Variants in SDHC observed in about 807,000 individuals in gnomAD.
SDHC encodes succinate dehydrogenase complex subunit C.
In SDHC, 11 loss-of-function variants were observed where a neutral mutation model predicts 22.6. That is an observed-to-expected ratio of 0.49 (90% CI 0.31 to 0.81). The LOEUF is 0.81. Among genes scored for constraint, SDHC ranks in the 30% least tolerant of loss-of-function variants. The pLI, the probability that SDHC is intolerant of heterozygous loss-of-function variation, is 0.05. For missense variants in SDHC, 160 were observed against 212.0 expected (o/e 0.75, Z 1.52); for synonymous variants, 80 against 77.8 (o/e 1.03, Z -0.15).
rs755895321 is a variant in SDHC at position 161,358,596 on chromosome 1, C to T, written c.405+1756C>T. 7.1e-4 allele frequency among the ~76,000 whole-genome samples: 108 copies of T among 151,862 alleles called. 1 individual carries two copies. Among genetic ancestry groups the T allele is most frequent in the Admixed American group, 4.3e-3 (65 of 15,250 alleles). On this transcript the variant is annotated intron_variant, in intron 5 of 5. Coordinates refer to ENST00000367975, the MANE Select transcript of SDHC (RefSeq NM_003001.5). ...AGGTTGCACTGAGCCGAGATTGTGC[C>T]ACTGCACTTCAGCCTGGGTGACAGA...
intron 5 of SDHC, among the ~76,000 whole-genome samples, chr1:161,358,450 A>G (rs1026807182): frequency 5.9e-5 from 9 of 151,968 alleles, no homozygotes; most frequent in Admixed American, 5.9e-4. Flanking sequence ...GTTGCCTCCT[A>G]TGTGACCTCA....
chr1:161,351,077 CACAAATTA>C (rs1466089062), intron 4 of SDHC, among the ~76,000 whole-genome samples: 1 of 152,170 alleles, frequency 6.6e-6, no homozygotes, highest in Non-Finnish European at 1.5e-5. Flanking sequence ...ACCTGGAAGG[CACAAATTA>C]TCCAGTCAGT....
chr1:161,350,251 A>G (rs1054403218), intron 4 of SDHC, among the ~76,000 whole-genome samples: 5 of 152,122 alleles, frequency 3.3e-5, no homozygotes, highest in African/African-American at 1.2e-4. Flanking sequence ...GAGGTTTCAC[A>G]GTGTTGCCCA....
chr1:161,333,164 C>A (rs183721793), intron 3 of SDHC, among the ~76,000 whole-genome samples: 1 of 152,294 alleles, frequency 6.6e-6, no homozygotes, highest in East Asian at 1.9e-4. Flanking sequence ...TAGCATATAT[C>A]AGTGCTTCCT....
chr1:161,315,363 A>T (rs1336840345), intron 1 of SDHC, among the ~76,000 whole-genome samples: 2 of 152,196 alleles, frequency 1.3e-5, no homozygotes, highest in African/African-American at 2.4e-5. Context: ...TGACAAAATG[A>T]TTCCTCTTGG....
intron 1 of SDHC, among the ~76,000 whole-genome samples, chr1:161,321,783 T>G (rs79861094): frequency 0.037 from 5,613 of 152,266 alleles, 112 homozygotes; most frequent in African/African-American, 0.043. Flanking sequence ...CATCATGAGC[T>G]TTTTTAGAAG....
chr1:161,328,007 ATTT>A (rs778403973), intron 2 of SDHC, among the ~76,000 whole-genome samples: 25 of 138,304 alleles, frequency 1.8e-4, no homozygotes, highest in Admixed American at 1.7e-3. Flanking sequence ...GATACTGCAA[ATTT>A]TTTTTTTTTT....
intron 3 of SDHC, among the ~76,000 whole-genome samples, chr1:161,330,600 T>C (rs1671236150): frequency 6.6e-6 from 1 of 152,244 alleles, no homozygotes; most frequent in Admixed American, 6.5e-5. Context: ...TTTAACAGCC[T>C]CTTTTTTGTC....
intron 3 of SDHC, among the ~76,000 whole-genome samples, chr1:161,332,636 C>CTTT (rs36047860): frequency 1.0e-4 from 14 of 137,266 alleles, no homozygotes; most frequent in African/African-American, 3.4e-4. Context: ...CTTTTTCTTT[C>CTTT]TTTTTTTTTT....
intron 3 of SDHC, among the ~76,000 whole-genome samples, chr1:161,334,824 T>C (rs1671411092): frequency 6.6e-6 from 1 of 152,206 alleles, no homozygotes; most frequent in Non-Finnish European, 1.5e-5. Context: ...TTCTAGAGAT[T>C]AGAACATGAA....
chr1:161,359,796 G>C (rs1051702947), intron 5 of SDHC, among the ~76,000 whole-genome samples: 6 of 152,158 alleles, frequency 3.9e-5, no homozygotes, highest in African/African-American at 1.4e-4. Context: ...GAACTTGATA[G>C]TTGACTTGCC....
chr1:161,326,225 T>A (rs986536994), intron 2 of SDHC, among the ~76,000 whole-genome samples: 6 of 149,702 alleles, frequency 4.0e-5, no homozygotes, highest in African/African-American at 1.5e-4. Flanking sequence ...AAAAGCAGAG[T>A]TATCGTCTGA....
At chr1:161,343,506 A>G (rs1671790399) in intron 4 of SDHC, among the ~76,000 whole-genome samples, 7 of 152,184 alleles carry the variant, frequency 4.6e-5, no homozygotes, top group African/African-American at 1.7e-4. Flanking sequence ...CGATGGAATC[A>G]AGGTATAAGG....
chr1:161,323,693 T>G (rs768294370), intron 2 of SDHC, 23 bp downstream of exon 2: 2 of 1,573,852 alleles, frequency 1.3e-6, no homozygotes, highest in African/African-American at 2.8e-5. Flanking sequence ...GTCTGGAGAT[T>G]ATTTATTTAT....
At chr1:161,314,835 C>G in intron 1 of SDHC, 1 of 210,534 alleles carries the variant, frequency 4.7e-6, no homozygotes. Context: ...GTGTATTTTG[C>G]CTTTGCTTCG....
intron 3 of SDHC, among the ~76,000 whole-genome samples, chr1:161,332,943 T>C (rs1308964459): frequency 6.6e-6 from 1 of 152,190 alleles, no homozygotes; most frequent in African/African-American, 2.4e-5. Flanking sequence ...AATTTTAGAA[T>C]GTTTTCATCA....
At chr1:161,338,456 C>T (rs1287971589) in intron 3 of SDHC, among the ~76,000 whole-genome samples, 1 of 152,144 alleles carries the variant, frequency 6.6e-6, no homozygotes, top group African/African-American at 2.4e-5. Flanking sequence ...CGTTAGCTTT[C>T]TTCAGAGACT....
intron 3 of SDHC, among the ~76,000 whole-genome samples, chr1:161,337,425 C>CAT: frequency 6.6e-6 from 1 of 152,238 alleles, no homozygotes; most frequent in East Asian, 1.9e-4. Context: ...GGTTTCCACA[C>CAT]AGCATGAGGA....
Position 161,356,831 on chromosome 1 carries a change from C to G in SDHC, c.396C>G (p.Ile132Met), listed in dbSNP as rs756648052. The G allele has an allele frequency of 6.2e-7, 1 of 1,614,058 alleles. No homozygotes were observed. Among genetic ancestry groups the G allele is most frequent in the South Asian group, 1.1e-5 (1 of 91,086 alleles). ...FPLMYHTWNG[I>M]RHLMWDLGKG... ...TCATGTATCATACCTGGAATGGGAT[C>G]CGACACTTGGTAAGTTAATTCGGGA... Residue 132 changes from isoleucine to methionine, a missense_variant, in exon 5 of 6, where the codon ATC becomes ATG. This residue lies in a region of SDHC where 74 missense variants were observed against 128.6 expected (regional missense o/e 0.58). Coordinates refer to ENST00000367975, the MANE Select transcript of SDHC (RefSeq NM_003001.5).
Sources: gnomAD v4.1 joint callset for allele counts (sites outside exome capture counted in the v4.1 genomes callset) on GRCh38, gnomAD v4.1.1 for gene constraint, gnomAD v4.1.1 regional missense constraint, MANE v1.5 for transcripts, NCBI Gene and HGNC (gene_info 2026-07-23, HGNC 2026-07-21) for gene names.